The following FANCC variants were observed in gnomAD, a reference collection of about 807,000 sequenced individuals.
FANCC encodes the protein FA complementation group C.
A neutral mutation model predicts 71.3 loss-of-function variants in FANCC; 55 were observed. The observed-to-expected ratio is 0.77, with a 90% CI of 0.62 to 0.97. FANCC has a LOEUF of 0.97. Ranked by LOEUF, FANCC falls within the 50% of genes least tolerant of loss-of-function variation. FANCC has a pLI of 0.00. For synonymous variants in FANCC, 275 were observed against 244.9 expected (o/e 1.12, Z -1.15); for missense variants, 678 against 670.9 (o/e 1.01, Z -0.12).
chr9:95,126,720 C>T (rs951171702), intron 8 of FANCC, 139 bp from the exon 9 acceptor site: 8 of 819,236 alleles, frequency 9.8e-6, no homozygotes, highest in Non-Finnish European at 1.6e-5. Context: ...AAGAACGAAC[C>T]ACTGCTGTAC....
rs1835854433 is a variant in FANCC at position 95,317,646 on chromosome 9, G to A, written c.-199C>T. ...CGTATTGGCTTTTTGAGTTTTTTTG[G>A]AATTTTCCCGCGGTCGCCCGGCAGT... On this transcript the variant is annotated 5_prime_UTR_variant, in exon 1 of 15. Coordinates refer to ENST00000289081, the MANE Select transcript of FANCC (RefSeq NM_000136.3). 1 of 152,222 alleles carries A rather than the reference G, an allele frequency of 6.6e-6. No homozygotes were observed. Among genetic ancestry groups the A allele is most frequent in the African/African-American group, 2.4e-5 (1 of 41,456 alleles). The allele number at this position is 152,222 out of a possible 1,614,324, so 9.4% of individuals were successfully genotyped here.
chr9:95,111,546 C>G lies in FANCC; in HGVS notation c.1246G>C (p.Ala416Pro), dbSNP rs1564647826. Residue 416 changes from alanine to proline, a missense_variant, in exon 13 of 15, where the codon GCC (alanine) becomes CCC (proline). Physicochemically the swap from Ala to Pro is conservative, Grantham distance 27. Transcript: ENST00000289081. Reference sequence around the variant, plus strand: ...CACAGCAGGGCCGTGGGGGGTTCGGCTGCCGACATCAGTAATTGCTCTGCC... The same window carrying G: ...CACAGCAGGGCCGTGGGGGGTTCGGGTGCCGACATCAGTAATTGCTCTGCC... ...MVAEQLLMSA[A>P]EPPTALLWLL... is the part of the protein sequence containing the mutation. 6.2e-7 allele frequency: 1 copy of G among 1,614,166 alleles called. No individual in the cohort carries two copies. The highest frequency in any genetic ancestry group is 8.5e-7 in the Non-Finnish European group (1 of 1,180,036).
At chr9:95,117,969 G>C (rs544345204) in intron 10 of FANCC, among the ~76,000 whole-genome samples, 1 of 152,038 alleles carries the variant, frequency 6.6e-6, no homozygotes, top group African/African-American at 2.4e-5. Context: ...TGATCTGGCC[G>C]CCTCGGCCTC....
rs763258312 is a variant in FANCC at position 95,247,502 on chromosome 9, G to C, written c.180C>G (p.Val60=). Reference sequence around the variant, plus strand: ...GACCAATTGTGGGGAATCTTTCAATGACTGTATTAGAATCCTGTGAAAGAA... The same window carrying C: ...GACCAATTGTGGGGAATCTTTCAATCACTGTATTAGAATCCTGTGAAAGAA... ...EALKEMDSNT[V]IERFPTIGQL... The change falls in exon 3 of 15, where the codon GTC becomes GTG. Residue 60 remains valine (V), a synonymous_variant. Transcript: ENST00000289081. 1 of 1,612,792 alleles carries C rather than the reference G, an allele frequency of 6.2e-7. No individual in the cohort carries two copies. The highest frequency in any genetic ancestry group is 1.1e-5 in the South Asian group (1 of 91,010).
intron 6 of FANCC, among the ~76,000 whole-genome samples, chr9:95,167,030 C>G (rs1255372957): frequency 3.9e-5 from 6 of 152,008 alleles, no homozygotes; most frequent in African/African-American, 1.4e-4. Context: ...CTGGGAATGT[C>G]TTTTTTTCTT....
chr9:95,316,065 G>A (rs897010013), intron 1 of FANCC, among the ~76,000 whole-genome samples: 1 of 152,128 alleles, frequency 6.6e-6, no homozygotes, highest in Non-Finnish European at 1.5e-5. Flanking sequence ...CTTGGTAAAC[G>A]TTTTTGGAGA....
At chr9:95,255,286 C>G (rs1458375133) in intron 1 of FANCC, among the ~76,000 whole-genome samples, 1 of 152,126 alleles carries the variant, frequency 6.6e-6, no homozygotes, top group Non-Finnish European at 1.5e-5. Flanking sequence ...CAGGGGTCGA[C>G]AGACACCTCA....
intron 8 of FANCC, among the ~76,000 whole-genome samples, chr9:95,132,771 C>A (rs550903888): frequency 6.6e-6 from 1 of 152,292 alleles, no homozygotes; most frequent in South Asian, 2.1e-4. Context: ...AAATATCAGA[C>A]CTGCGAGTCC....
At chr9:95,101,978 A>G in intron 14 of FANCC, 128 bp from the exon 15 acceptor site, 2 of 1,084,770 alleles carry the variant, frequency 1.8e-6, no homozygotes, top group South Asian at 2.7e-5. Context: ...TCAGTTCCAA[A>G]GTAAAGCATC....
rs775436297 is a variant in FANCC, at chr9:95,291,947, C to CAA, written c.-79+25577_-79+25578dup. On this transcript the variant is annotated intron_variant, in intron 1 of 14. Transcript: ENST00000289081. ...TAGGTGAGAGAGTGAGACTCTGTCT[C>CAA]AAAAAAAAAAAAAAAAAAAAATATA... Among the ~76,000 whole-genome samples the CAA allele has an allele frequency of 5.2e-3, 213 of 40,820 alleles. 7 individuals are homozygous for CAA. Among genetic ancestry groups the CAA allele is most frequent in the African/African-American group, 0.017 (167 of 9,646 alleles). The allele number at this position is 40,820 out of a possible 152,430, so 26.8% of individuals were successfully genotyped here.
intron 4 of FANCC, among the ~76,000 whole-genome samples, chr9:95,226,186 A>G (rs1829600176): frequency 6.6e-6 from 1 of 152,224 alleles, no homozygotes; most frequent in Non-Finnish European, 1.5e-5. Context: ...TGAATTTAGA[A>G]CCTACCACCA....
At chr9:95,148,688 A>G (rs1829888824) in intron 7 of FANCC, among the ~76,000 whole-genome samples, 1 of 152,252 alleles carries the variant, frequency 6.6e-6, no homozygotes, top group Non-Finnish European at 1.5e-5. Context: ...AAGATTTTCC[A>G]AATGAACCAT....
At chr9:95,212,471 G>T (rs990415422) in intron 4 of FANCC, among the ~76,000 whole-genome samples, 1 of 152,032 alleles carries the variant, frequency 6.6e-6, no homozygotes, top group Non-Finnish European at 1.5e-5. Flanking sequence ...GTACCAAATA[G>T]CAAAGAAAAA....
chr9:95,198,755 G>A (rs541917870), intron 4 of FANCC, among the ~76,000 whole-genome samples: 5 of 152,120 alleles, frequency 3.3e-5, no homozygotes, highest in Admixed American at 6.5e-5. Context: ...GGGGAGGGGA[G>A]ACAGAGTCTT....
At chr9:95,250,143 GC>G (rs1176744013) in intron 1 of FANCC, among the ~76,000 whole-genome samples, 1 of 152,172 alleles carries the variant, frequency 6.6e-6, no homozygotes, top group Non-Finnish European at 1.5e-5. Context: ...AGCTGGCTCA[GC>G]GGCTCCAGCT....
At chr9:95,254,901 T>A (rs1588365940) in intron 1 of FANCC, among the ~76,000 whole-genome samples, 1 of 151,950 alleles carries the variant, frequency 6.6e-6, no homozygotes, top group East Asian at 1.9e-4. Context: ...GGGAGGGGCG[T>A]CCCCCATTAC....
intron 4 of FANCC, among the ~76,000 whole-genome samples, chr9:95,206,687 T>C (rs937715494): frequency 1.3e-5 from 2 of 152,134 alleles, no homozygotes; most frequent in Admixed American, 6.5e-5. Flanking sequence ...ATAGCTAAGA[T>C]ACAGGTTAAA....
chr9:95,179,722 A>G (rs1463480773), intron 4 of FANCC, among the ~76,000 whole-genome samples: 1 of 152,252 alleles, frequency 6.6e-6, no homozygotes, highest in Non-Finnish European at 1.5e-5. Flanking sequence ...AAGATTATAC[A>G]TGTCAATGCA....
intron 6 of FANCC, among the ~76,000 whole-genome samples, chr9:95,151,819 C>T (rs779658937): frequency 9.3e-5 from 14 of 150,468 alleles, no homozygotes; most frequent in Non-Finnish European, 1.8e-4. Flanking sequence ...TGCAGCTACT[C>T]GGGGGGGCGG....
Sources: gnomAD v4.1 joint callset for allele counts (sites outside exome capture counted in the v4.1 genomes callset) on GRCh38, gnomAD v4.1.1 for gene constraint, MANE v1.5 for transcripts, NCBI Gene and HGNC (gene_info 2026-07-23, HGNC 2026-07-21) for gene names.